Variants in ADGRD1 observed in about 807,000 individuals in gnomAD.
ADGRD1 encodes G-protein coupled receptor 133.
Under a neutral mutation model 113.4 loss-of-function variants are expected in ADGRD1, and 77 were observed. The observed-to-expected ratio is 0.68, with a 90% CI of 0.57 to 0.82. ADGRD1 has a LOEUF of 0.82. Among genes scored for constraint, ADGRD1 ranks in the 40% least tolerant of loss-of-function variants. The pLI is 0.00. For missense variants in ADGRD1, 1,036 were observed against 1,139.1 expected, an observed-to-expected ratio of 0.91 and a Z score of 1.30; for synonymous variants, 474 against 475.0, an observed-to-expected ratio of 1.00 and a Z score of 0.03.
At position 130,954,747 on chromosome 12, in the gene ADGRD1, A is replaced by AG. The variant is rs1469677201; in HGVS notation, c.103+89dup. 76 of 1,320,880 alleles carry AG rather than the reference A, an allele frequency of 5.8e-5. No individual in the cohort carries two copies. The highest frequency in any genetic ancestry group is 8.7e-6 in the Non-Finnish European group (8 of 916,468). 81.8% of individuals were successfully genotyped at this position (1,320,880 alleles called of 1,614,324 possible). A position where few individuals can be genotyped will look rare whatever the true frequency, so the allele number is the denominator to read the frequency against. On this transcript the variant is annotated intron_variant, in intron 2 of 24. Coordinates refer to ENST00000261654, the MANE Select transcript of ADGRD1 (RefSeq NM_198827.5). This position sits in a 1 kb window ranked among gnomAD's most constrained non-coding sequence, Gnocchi z 4.7. ...GGAACAGCCCACTTGTTCATCTCTG[A>AG]GGCATCAGCGAATGGCCCTTGTTGG...
At chr12:131,126,819 C>G (rs1224456171) in intron 20 of ADGRD1, among the ~76,000 whole-genome samples, 1 of 152,228 alleles carries the variant, frequency 6.6e-6, no homozygotes. Context: ...GGTACTCACA[C>G]TGTACATGCC....
intron 13 of ADGRD1, among the ~76,000 whole-genome samples, chr12:131,017,911 A>G (rs891450660): frequency 6.6e-6 from 1 of 152,064 alleles, no homozygotes. Flanking sequence ...CAACCAGTGC[A>G]CACACACCCA....
At chr12:131,118,937 G>A (rs1950526873) in intron 19 of ADGRD1, among the ~76,000 whole-genome samples, 1 of 152,188 alleles carries the variant, frequency 6.6e-6, no homozygotes, top group South Asian at 2.1e-4. Context: ...TGCTTGGGTA[G>A]TAGGGGATGG....
chr12:130,992,535 A>G (rs2030881), intron 8 of ADGRD1, 143 bp downstream of exon 8: 675,544 of 689,556 alleles, frequency 0.98, 332,189 homozygotes, highest in East Asian at 1. Flanking sequence ...TCTCATGAAC[A>G]ACCAGCTGGT....
intron 15 of ADGRD1, among the ~76,000 whole-genome samples, chr12:131,102,536 C>T (rs1462316643): frequency 1.3e-5 from 2 of 152,360 alleles, no homozygotes; most frequent in African/African-American, 4.8e-5. Flanking sequence ...TCGCCCACAG[C>T]GTCCCAGGTG....
chr12:130,992,827 CAACATTTATGGCATTAA>C (rs568402700), intron 8 of ADGRD1, among the ~76,000 whole-genome samples: 102 of 152,370 alleles, frequency 6.7e-4, no homozygotes, highest in Non-Finnish European at 1.3e-3. Context: ...TTAGAGAATG[CAACATTTATGGCATTAA>C]AATCAAGATG....
Position 131,075,628 on chromosome 12 carries a change from C to T in ADGRD1, c.1474-1173C>T, listed in dbSNP as rs11061312. 0.3 allele frequency among the ~76,000 whole-genome samples: 45,493 copies of T among 151,892 alleles called. 8,369 individuals are homozygous for T. The highest frequency in any genetic ancestry group is 0.65 in the East Asian group (3,243 of 4,996). ...TGGAGGAGCTGTCAGACAGATGCTGCGATGATAGCCCTGTGAGTCCTTTGG... is the reference window on the plus strand; with the variant it reads ...TGGAGGAGCTGTCAGACAGATGCTGTGATGATAGCCCTGTGAGTCCTTTGG... On this transcript the variant is annotated intron_variant, in intron 13 of 24. Transcript: ENST00000261654. This position sits in a 1 kb window ranked among gnomAD's most constrained non-coding sequence, Gnocchi z 5.3.
At chr12:131,103,611 G>A (rs969558076) in intron 15 of ADGRD1, among the ~76,000 whole-genome samples, 2 of 152,248 alleles carry the variant, frequency 1.3e-5, no homozygotes, top group East Asian at 1.9e-4. Context: ...CTGGGCCTGC[G>A]GCATCTCCTC....
chr12:130,995,281 G>T (rs576214811), intron 8 of ADGRD1, among the ~76,000 whole-genome samples: 1 of 152,198 alleles, frequency 6.6e-6, no homozygotes, highest in African/African-American at 2.4e-5. Context: ...GTGGGGGCTG[G>T]GGTTGTTGGG....
intron 23 of ADGRD1, chr12:131,137,692 G>GAT: frequency 8.0e-6 from 2 of 249,964 alleles, no homozygotes; most frequent in South Asian, 5.5e-5. Context: ...CAGGATGGTG[G>GAT]CCGGGCAGAA....
At chr12:131,045,148 C>T (rs1239437570) in intron 13 of ADGRD1, among the ~76,000 whole-genome samples, 1 of 152,242 alleles carries the variant, frequency 6.6e-6, no homozygotes, top group East Asian at 1.9e-4. Context: ...CACCCGCGGG[C>T]GCATTGGGCA....
chr12:131,033,672 G>A (rs1040289411), intron 13 of ADGRD1, among the ~76,000 whole-genome samples: 8 of 152,180 alleles, frequency 5.3e-5, no homozygotes, highest in African/African-American at 1.7e-4. Flanking sequence ...GGGGCAGGCC[G>A]TGGGCCTGGG....
intron 18 of ADGRD1, among the ~76,000 whole-genome samples, chr12:131,111,598 T>C (rs1950347944): frequency 6.7e-6 from 1 of 149,242 alleles, no homozygotes; most frequent in African/African-American, 2.4e-5. Flanking sequence ...TCTAAGACTC[T>C]TGATTTTTCT....
At position 131,115,701 on chromosome 12, in the gene ADGRD1, T is replaced by C. The variant is rs1478411564; in HGVS notation, c.2042-2684T>C. Among the ~76,000 whole-genome samples, 4 of 152,304 alleles carry C rather than the reference T, an allele frequency of 2.6e-5. No individual in the cohort carries two copies. The East Asian group carries it at 5.8e-4, about 22-fold the overall frequency. ...ATGACAGGGCCAGAGGGACTTCACA[T>C]TGTCCGCAGAAGCATGTTCCAGGTC... On this transcript the variant is annotated intron_variant, in intron 18 of 24. Transcript: ENST00000261654.
At position 131,118,471 on chromosome 12, in the gene ADGRD1, T is replaced by C; in HGVS notation, c.2108+20T>C. 6.3e-7 allele frequency: 1 copy of C among 1,584,086 alleles called. No homozygotes were observed. Among genetic ancestry groups the C allele is most frequent in the Admixed American group, 1.8e-5 (1 of 55,304 alleles). On this transcript the variant is annotated intron_variant, in intron 19 of 24. Coordinates refer to ENST00000261654, the MANE Select transcript of ADGRD1 (RefSeq NM_198827.5). ...CAACAAGTAAGTGCAGGGCTTTGCC[T>C]TGCTTTTGGCAGGCGTTCCATGGAA... is the stretch of plus-strand genomic sequence containing the variant.
At position 131,075,887 on chromosome 12, in the gene ADGRD1, A is replaced by C. The variant is rs955565659; in HGVS notation, c.1474-914A>C. ...CACAGAACAGAGCAGGCATCGGACA[A>C]ATAAGAGATGCTTGACTTGACTGAC... On this transcript the variant is annotated intron_variant, in intron 13 of 24. Coordinates refer to ENST00000261654, the MANE Select transcript of ADGRD1 (RefSeq NM_198827.5). The surrounding 1 kb of genome is among the most constrained non-coding windows in gnomAD (Gnocchi z 5.3). Among the ~76,000 whole-genome samples the C allele has an allele frequency of 6.6e-5, 10 of 152,322 alleles. No individual in the cohort carries two copies. The highest frequency in any genetic ancestry group is 2.4e-4 in the African/African-American group (10 of 41,560).
chr12:131,095,951 C>T (rs1163560230), intron 15 of ADGRD1, among the ~76,000 whole-genome samples: 1 of 152,074 alleles, frequency 6.6e-6, no homozygotes, highest in Non-Finnish European at 1.5e-5. Context: ...TGCAAGAACA[C>T]AGAAGGCAGA....
intron 20 of ADGRD1, among the ~76,000 whole-genome samples, chr12:131,127,841 T>C (rs7304075): frequency 0.062 from 5,754 of 93,078 alleles, 145 homozygotes; most frequent in African/African-American, 0.14. Context: ...TGTGATGGGA[T>C]TCTGAGCTCA....
intron 13 of ADGRD1, among the ~76,000 whole-genome samples, chr12:131,034,711 T>G (rs1461701036): frequency 6.6e-6 from 1 of 152,186 alleles, no homozygotes; most frequent in Non-Finnish European, 1.5e-5. Context: ...GACACGGTGG[T>G]GGCCCCTCGC....
Sources: allele counts gnomAD v4.1 joint callset (sites outside exome capture counted in the v4.1 genomes callset), GRCh38; gene constraint gnomAD v4.1.1; non-coding constraint Gnocchi (gnomAD v3.1); transcripts MANE v1.5; gene names NCBI Gene and HGNC (gene_info 2026-07-23, HGNC 2026-07-21).